TADA2A: variants seen among roughly 807,000 people sequenced by gnomAD.
TADA2A encodes transcriptional adaptor 2A, also known as transcriptional adapter 2-alpha.
A neutral mutation model predicts 67.4 loss-of-function variants in TADA2A; 38 were observed. The observed-to-expected ratio is 0.56, with a 90% confidence interval of 0.44 to 0.74. The LOEUF is 0.74. Ranked by LOEUF, TADA2A falls within the 30% of genes least tolerant of loss-of-function variation. The pLI is 0.00. For missense variants in TADA2A, 454 were observed against 547.0 expected (o/e 0.83, Z 1.70); for synonymous variants, 192 against 181.6 (o/e 1.06, Z -0.46).
rs529022097 is a variant in TADA2A at position 37,420,159 on chromosome 17, A to G, written c.26-3350A>G. 1.8e-4 allele frequency among the ~76,000 whole-genome samples: 26 copies of G among 146,676 alleles called. 3 individuals are homozygous for G. The highest frequency in any genetic ancestry group is 5.9e-4 in the African/African-American group (24 of 40,522). On this transcript the variant is annotated intron_variant, in intron 2 of 15. Coordinates refer to ENST00000615182, the MANE Select transcript of TADA2A (RefSeq NM_001166105.3). The stretch of plus-strand genomic sequence containing the variant: ...GTTGGCACCTGTCACTTAATATACA[A>G]TAATTTTTGGCTCAGCGCAGTGGCT...
At chr17:37,432,183 T>G (rs948590119) in intron 4 of TADA2A, among the ~76,000 whole-genome samples, 36 of 152,170 alleles carry the variant, frequency 2.4e-4, no homozygotes, top group Admixed American at 6.5e-4. Context: ...TATTTTTTTT[T>G]TGTGACAGTC....
At chr17:37,462,317 C>A (rs779430568) in intron 10 of TADA2A, among the ~76,000 whole-genome samples, 196 bp downstream of exon 10, 2 of 151,992 alleles carry the variant, frequency 1.3e-5, no homozygotes, top group African/African-American at 4.8e-5. Context: ...CAATTCTGAT[C>A]CATAGTGAGA....
In TADA2A at chr17:37,474,460, C is replaced by T. The variant is rs921557562; in HGVS notation, c.1073-96C>T. 5 of 1,165,558 alleles carry T rather than the reference C, an allele frequency of 4.3e-6. No homozygotes were observed. The East Asian group carries it at 1.3e-4, about 29-fold the overall frequency. 72.2% of individuals were successfully genotyped at this position (1,165,558 alleles called of 1,614,324 possible). A position where few individuals can be genotyped will look rare whatever the true frequency, so the allele number is the denominator to read the frequency against. ...CTAAGCTGGATATAGTGATCCTATACCTAACTGGCCTGGCTGCACTGAACT... is the reference window on the plus strand; with the variant it reads ...CTAAGCTGGATATAGTGATCCTATATCTAACTGGCCTGGCTGCACTGAACT... On this transcript the variant is annotated intron_variant, in intron 14 of 15. Coordinates refer to ENST00000615182, the MANE Select transcript of TADA2A (RefSeq NM_001166105.3).
At position 37,478,636 on chromosome 17, in the gene TADA2A, G is replaced by A. The variant is rs2053934369; in HGVS notation, c.*1654G>A. 1 of 152,150 alleles carries A rather than the reference G, an allele frequency of 6.6e-6. No homozygotes were observed. Among genetic ancestry groups the A allele is most frequent in the South Asian group, 2.1e-4 (1 of 4,834 alleles). 9.4% of individuals were successfully genotyped at this position (152,150 alleles called of 1,614,324 possible). On this transcript the variant is annotated 3_prime_UTR_variant, in exon 16 of 16. Coordinates refer to ENST00000615182, the MANE Select transcript of TADA2A (RefSeq NM_001166105.3). ...AAGAAGCCAAACTTATGGTTATCTT[G>A]TTTCTGTTAGAAACAAAGTTGTATA...
chr17:37,439,939 TTTA>T (rs869063339), intron 5 of TADA2A, among the ~76,000 whole-genome samples: 33 of 22,106 alleles, frequency 1.5e-3, no homozygotes, highest in African/African-American at 5.1e-3. Context: ...TATTTATTTA[TTTA>T]TTATTTTTTT....
intron 8 of TADA2A, chr17:37,454,730 G>A (rs967512817): frequency 1.2e-5 from 4 of 346,720 alleles, no homozygotes; most frequent in African/African-American, 8.7e-5. Context: ...CATTACTGGT[G>A]CATCTCTTGC....
intron 8 of TADA2A, among the ~76,000 whole-genome samples, chr17:37,445,195 A>G (rs540812244): frequency 2.0e-5 from 3 of 152,316 alleles, no homozygotes; most frequent in African/African-American, 7.2e-5. Flanking sequence ...GAAATTCCTC[A>G]AGAGTTTTTA....
chr17:37,409,494 C>T (rs1253175335), intron 1 of TADA2A, among the ~76,000 whole-genome samples: 3 of 151,664 alleles, frequency 2.0e-5, no homozygotes, highest in African/African-American at 2.4e-5. Context: ...GGGCCGGGTG[C>T]GGTGGCTCAT....
At chr17:37,458,137 CTCA>C (rs927940095) in intron 8 of TADA2A, among the ~76,000 whole-genome samples, 3 of 152,126 alleles carry the variant, frequency 2.0e-5, no homozygotes, top group African/African-American at 7.2e-5. Context: ...TCCGTGTGTT[CTCA>C]TCATTTAGCT....
rs1054327084 is a variant in TADA2A, at chr17:37,473,094, G to A, written c.1073-1462G>A. On this transcript the variant is annotated intron_variant, in intron 14 of 15. Coordinates refer to ENST00000615182, the MANE Select transcript of TADA2A (RefSeq NM_001166105.3). ...TCCCAGTTCAGCTCCTGAGTGGCTG[G>A]GACTACAGGTGAATGCCACCAAACC... Among the ~76,000 whole-genome samples the A allele has an allele frequency of 9.3e-5, 14 of 151,038 alleles. No homozygotes were observed. In the South Asian group the frequency reaches 3.0e-3, roughly 32 times the overall value.
At chr17:37,459,309 G>C (rs2053487148) in intron 9 of TADA2A, among the ~76,000 whole-genome samples, 1 of 149,020 alleles carries the variant, frequency 6.7e-6, no homozygotes, top group Admixed American at 6.7e-5. Flanking sequence ...TTGAGATGGA[G>C]TCTCGTTCTG....
chr17:37,427,040 C>T (rs1464934550), intron 4 of TADA2A, 31 bp downstream of exon 4: 2 of 1,546,294 alleles, frequency 1.3e-6, no homozygotes, highest in African/African-American at 1.4e-5. Flanking sequence ...AATTTCTGTT[C>T]ACTTTTTTTA....
intron 5 of TADA2A, among the ~76,000 whole-genome samples, chr17:37,439,002 A>C (rs1194583013): frequency 1.3e-5 from 2 of 152,214 alleles, no homozygotes; most frequent in African/African-American, 4.8e-5. Flanking sequence ...AAGTACACAA[A>C]ACAGCACAGT....
intron 12 of TADA2A, 55 bp from the exon 13 acceptor site, chr17:37,470,345 G>A: frequency 1.9e-6 from 3 of 1,603,744 alleles, no homozygotes; most frequent in East Asian, 2.3e-5. Flanking sequence ...CAGTTAGGAA[G>A]CCCTTCAGTT....
chr17:37,459,446 C>CTAA (rs968851020), intron 9 of TADA2A, among the ~76,000 whole-genome samples: 5 of 151,616 alleles, frequency 3.3e-5, no homozygotes, highest in African/African-American at 1.2e-4. Context: ...CCACGCCTGG[C>CTAA]TAATTTTTGC....
intron 8 of TADA2A, among the ~76,000 whole-genome samples, chr17:37,455,355 AGTTTGTTTTTTTGTTT>A (rs1413005326): frequency 7.0e-6 from 1 of 142,972 alleles, no homozygotes; most frequent in Non-Finnish European, 1.5e-5. Context: ...TTGCTTCTGA[AGTTTGTTTTTTTGTTT>A]GTTTGTTTGT....
chr17:37,418,457 T>C (rs949844121), intron 2 of TADA2A, among the ~76,000 whole-genome samples: 2 of 152,202 alleles, frequency 1.3e-5, no homozygotes, highest in African/African-American at 2.4e-5. Flanking sequence ...ACAATTAGGT[T>C]ATATAATATA....
At chr17:37,462,262 T>G (rs924934497) in intron 10 of TADA2A, 141 bp downstream of exon 10, 4 of 584,908 alleles carry the variant, frequency 6.8e-6, no homozygotes, top group East Asian at 3.2e-5. Flanking sequence ...TAAGAATCTC[T>G]GGGGTTGGAG....
intron 5 of TADA2A, among the ~76,000 whole-genome samples, chr17:37,439,934 AT>A (rs1265288502): frequency 7.9e-5 from 7 of 88,882 alleles, no homozygotes; most frequent in African/African-American, 2.3e-4. Flanking sequence ...TTATTTATTT[AT>A]TTATTTATTA....
Sources: gnomAD v4.1 joint callset for allele counts (sites outside exome capture counted in the v4.1 genomes callset) on GRCh38, gnomAD v4.1.1 for gene constraint, MANE v1.5 for transcripts, NCBI Gene and HGNC (gene_info 2026-07-23, HGNC 2026-07-21) for gene names.